Variants in CCDC85C observed in about 807,000 individuals in gnomAD.
CCDC85C encodes coiled-coil domain-containing protein 85C.
In CCDC85C, 18 loss-of-function variants were observed where a neutral mutation model predicts 38.3. The ratio of observed to expected loss-of-function variants is 0.47; its 90% CI spans 0.33 to 0.70. The LOEUF is 0.70. Among genes scored for constraint, CCDC85C ranks in the 30% least tolerant of loss-of-function variants. The probability of loss-of-function intolerance (pLI) is 0.03; values close to 1 mark genes in which losing one functional copy is unlikely to be tolerated. For missense variants in CCDC85C, 566 were observed against 621.2 expected (o/e 0.91, Z 0.94); for synonymous variants, 264 against 293.8 (o/e 0.90, Z 1.04).
rs1897020576 is a variant in CCDC85C, at chr14:99,508,086, C to A, written c.*7160G>T. On this transcript the variant is annotated 3_prime_UTR_variant, in exon 6 of 6. Transcript: ENST00000380243. Reference sequence around the variant, plus strand: ...TCACTGTTGGTCGGTGCACGTGGCTCACACTGGGGCTGACAGCACTGTGTG... The same window carrying A: ...TCACTGTTGGTCGGTGCACGTGGCTAACACTGGGGCTGACAGCACTGTGTG... The A allele has an allele frequency of 6.6e-6, 1 of 152,250 alleles. No homozygotes were observed. The highest frequency in any genetic ancestry group is 2.1e-4 in the South Asian group (1 of 4,828). The allele number at this position is 152,250 out of a possible 1,614,324, so 9.4% of individuals were successfully genotyped here. A position where few individuals can be genotyped will look rare whatever the true frequency, so the allele number is the denominator to read the frequency against.
intron 1 of CCDC85C, among the ~76,000 whole-genome samples, chr14:99,543,142 G>A (rs971113167): frequency 6.6e-6 from 1 of 152,184 alleles, no homozygotes; most frequent in Non-Finnish European, 1.5e-5. Flanking sequence ...AGAAAGCAGC[G>A]GCTGAACAGT....
chr14:99,597,006 CA>C (rs1465000812), intron 1 of CCDC85C, among the ~76,000 whole-genome samples: 2 of 152,140 alleles, frequency 1.3e-5, no homozygotes, highest in Non-Finnish European at 2.9e-5. Flanking sequence ...AGGCAGATAG[CA>C]GCTGAGAGCA....
At position 99,503,431 on chromosome 14, in the gene CCDC85C, C is replaced by T; in HGVS notation, c.*11815G>A. 1 of 610,644 alleles carries T rather than the reference C, an allele frequency of 1.6e-6. No homozygotes were observed. Among genetic ancestry groups the T allele is most frequent in the Non-Finnish European group, 2.9e-6 (1 of 341,848 alleles). 37.8% of individuals were successfully genotyped at this position (610,644 alleles called of 1,614,324 possible). The stretch of plus-strand genomic sequence containing the variant: ...TTGGTAAATGGAAAGAGGAAGGGAG[C>T]AGAAATGATGATCTGGTAGGTGCCG... On this transcript the variant is annotated 3_prime_UTR_variant, in exon 6 of 6. Coordinates refer to ENST00000380243, the MANE Select transcript of CCDC85C (RefSeq NM_001144995.2).
chr14:99,573,960 G>A (rs369841077), intron 1 of CCDC85C, among the ~76,000 whole-genome samples: 25 of 152,166 alleles, frequency 1.6e-4, no homozygotes, highest in African/African-American at 3.6e-4. Flanking sequence ...TCATCAACTC[G>A]TCTCATCCTG....
chr14:99,577,795 CAG>C (rs1898518037), intron 1 of CCDC85C, among the ~76,000 whole-genome samples: 1 of 140,812 alleles, frequency 7.1e-6, no homozygotes, highest in Non-Finnish European at 1.5e-5. Flanking sequence ...TATCCCCCAT[CAG>C]TGTGTGTGTG....
intron 2 of CCDC85C, chr14:99,534,858 A>G: frequency 1.6e-6 from 1 of 621,746 alleles, no homozygotes; most frequent in Admixed American, 2.6e-5. Context: ...GAAATTACAA[A>G]AGCCAGCCTT....
chr14:99,548,727 G>A lies in CCDC85C; in HGVS notation c.794-12639C>T, dbSNP rs1483993857. Among the ~76,000 whole-genome samples the A allele has an allele frequency of 4.6e-5, 7 of 152,156 alleles. No individual in the cohort carries two copies. In the East Asian group the frequency reaches 5.8e-4, roughly 13 times the overall value. On this transcript the variant is annotated intron_variant, in intron 1 of 5. Coordinates refer to ENST00000380243, the MANE Select transcript of CCDC85C (RefSeq NM_001144995.2). The surrounding 1 kb of genome is among the most constrained non-coding windows in gnomAD (Gnocchi z 4.9). Reference sequence around the variant, plus strand: ...TCCCAGGTACTCGGGAGACCGAGGCGGGAGGCGTGCTGGAGCTCAGGAGTG... The same window carrying A: ...TCCCAGGTACTCGGGAGACCGAGGCAGGAGGCGTGCTGGAGCTCAGGAGTG...
At chr14:99,575,450 T>C (rs572171814) in intron 1 of CCDC85C, among the ~76,000 whole-genome samples, 14 of 152,350 alleles carry the variant, frequency 9.2e-5, no homozygotes, top group African/African-American at 3.1e-4. Context: ...CTCGAAGGGT[T>C]GCCAGAAAGA....
Position 99,536,078 on chromosome 14 carries a change from G to A in CCDC85C, c.804C>T (p.Ser268=). The A allele has an allele frequency of 1.3e-6, 2 of 1,550,686 alleles. No homozygotes were observed. The highest frequency in any genetic ancestry group is 1.7e-6 in the Non-Finnish European group (2 of 1,146,128). The change falls in exon 2 of 6, where the codon TCC becomes TCT. Residue 268 remains serine (S), a synonymous_variant. Coordinates refer to ENST00000380243, the MANE Select transcript of CCDC85C (RefSeq NM_001144995.2). ...SIPNGLHDPS[S]TYIRQLESKV... is the part of the protein sequence containing the mutation. ...TGCTCTCCAGTTGCCTGATGTAGGTGGATGAGGGATCTGGAAGGACACAAG... is the reference window on the plus strand; with the variant it reads ...TGCTCTCCAGTTGCCTGATGTAGGTAGATGAGGGATCTGGAAGGACACAAG...
At chr14:99,579,693 G>T (rs963386345) in intron 1 of CCDC85C, among the ~76,000 whole-genome samples, 5 of 152,188 alleles carry the variant, frequency 3.3e-5, no homozygotes, top group African/African-American at 1.2e-4. Flanking sequence ...CTCCCTGGGG[G>T]AGGCAGCGGG....
chr14:99,574,896 A>C (rs572309233), intron 1 of CCDC85C, among the ~76,000 whole-genome samples: 11 of 152,286 alleles, frequency 7.2e-5, no homozygotes, highest in Non-Finnish European at 1.3e-4. Context: ...AGGCTGTAGA[A>C]GCCATTCTGT....
Position 99,544,510 on chromosome 14 carries a change from G to GTGTGTGTC in CCDC85C, c.794-8430_794-8423dup, listed in dbSNP as rs1555369522. ...GAAGGGTGTGTGTGTGTGTGTGTGT[G>GTGTGTGTC]TGTGTGTCTGTGTGTCTGTGTGTTC... is the stretch of plus-strand genomic sequence containing the variant. On this transcript the variant is annotated intron_variant, in intron 1 of 5. Coordinates refer to ENST00000380243, the MANE Select transcript of CCDC85C (RefSeq NM_001144995.2). This position sits in a 1 kb window ranked among gnomAD's most constrained non-coding sequence, Gnocchi z 5.3. 6.6e-6 allele frequency among the ~76,000 whole-genome samples: 1 copy of GTGTGTGTC among 152,056 alleles called. No individual in the cohort carries two copies. The highest frequency in any genetic ancestry group is 1.5e-5 in the Non-Finnish European group (1 of 68,018).
chr14:99,603,104 C>T lies in CCDC85C; in HGVS notation c.793+63G>A, dbSNP rs568838832. The T allele has an allele frequency of 2.3e-6, 3 of 1,279,006 alleles. No homozygotes were observed. The highest frequency in any genetic ancestry group is 1.5e-5 in the African/African-American group (1 of 64,722). 79.2% of individuals were successfully genotyped at this position (1,279,006 alleles called of 1,614,324 possible). On this transcript the variant is annotated intron_variant, in intron 1 of 5. Transcript: ENST00000380243. This position sits in a 1 kb window ranked among gnomAD's most constrained non-coding sequence, Gnocchi z 7.5. ...ACAGCCAGGGACCACCTCCTCTCGCCGCAGCCTGGGAAAAGGGCTGCAGCC... is the reference window on the plus strand; with the variant it reads ...ACAGCCAGGGACCACCTCCTCTCGCTGCAGCCTGGGAAAAGGGCTGCAGCC...
Position 99,603,997 on chromosome 14 carries a change from C to G in CCDC85C, c.-38G>C. 8.3e-7 allele frequency: 1 copy of G among 1,209,784 alleles called. No individual in the cohort carries two copies. Among genetic ancestry groups the G allele is most frequent in the South Asian group, 3.7e-5 (1 of 27,070 alleles). 74.9% of individuals were successfully genotyped at this position (1,209,784 alleles called of 1,614,324 possible). ...ACCGCGGCATCGCCCTCGCCCTCGC[C>G]CGGCCGGCGCTTCCCCGCGCCGGGG... On this transcript the variant is annotated 5_prime_UTR_variant, in exon 1 of 6. Coordinates refer to ENST00000380243, the MANE Select transcript of CCDC85C (RefSeq NM_001144995.2). The surrounding 1 kb of genome is among the most constrained non-coding windows in gnomAD (Gnocchi z 7.5).
Position 99,500,979 on chromosome 14 carries a change from TG to T in CCDC85C, c.*14266del. The stretch of plus-strand genomic sequence containing the variant: ...AAAGCGGAAAACAAAGTTTGATGTG[TG>T]AAATACCAAGGGCATGGCTTGCTCA... On this transcript the variant is annotated 3_prime_UTR_variant, in exon 6 of 6. Transcript: ENST00000380243. 1 of 722,108 alleles carries T rather than the reference TG, an allele frequency of 1.4e-6. No homozygotes were observed. Among genetic ancestry groups the T allele is most frequent in the Non-Finnish European group, 2.4e-6 (1 of 418,178 alleles). 44.7% of individuals were successfully genotyped at this position (722,108 alleles called of 1,614,324 possible). A position where few individuals can be genotyped will look rare whatever the true frequency, so the allele number is the denominator to read the frequency against.
rs188343963 is a variant in CCDC85C at position 99,593,356 on chromosome 14, C to G, written c.793+9811G>C. 1.5e-4 allele frequency among the ~76,000 whole-genome samples: 23 copies of G among 152,342 alleles called. No homozygotes were observed. In the East Asian group the frequency reaches 3.9e-3, roughly 26 times the overall value. On this transcript the variant is annotated intron_variant, in intron 1 of 5. Transcript: ENST00000380243. Reference sequence around the variant, plus strand: ...ATGGGTCGACTCTTCTCCATAGCTGCCGTTTCGGTGCCACCGGCCCTGCCT... The same window carrying G: ...ATGGGTCGACTCTTCTCCATAGCTGGCGTTTCGGTGCCACCGGCCCTGCCT...
chr14:99,557,354 C>A (rs934739037), intron 1 of CCDC85C, among the ~76,000 whole-genome samples: 1 of 152,216 alleles, frequency 6.6e-6, no homozygotes, highest in Admixed American at 6.5e-5. Context: ...GAGGAAGAGA[C>A]AAGAGCTGGG....
In CCDC85C at chr14:99,568,256, T is replaced by A. The variant is rs1024949603; in HGVS notation, c.794-32168A>T. Reference sequence around the variant, plus strand: ...TGGAGGCCACCTGCCCTTTATTTTTTTTTTTTTTTTTTTTGAGACAAAGTC... The same window carrying A: ...TGGAGGCCACCTGCCCTTTATTTTTATTTTTTTTTTTTTTGAGACAAAGTC... On this transcript the variant is annotated intron_variant, in intron 1 of 5. Transcript: ENST00000380243. 4.2e-4 allele frequency among the ~76,000 whole-genome samples: 58 copies of A among 136,558 alleles called. 1 individual carries two copies. Among genetic ancestry groups the A allele is most frequent in the African/African-American group, 1.0e-3 (36 of 35,100 alleles). 89.6% of individuals were successfully genotyped at this position (136,558 alleles called of 152,430 possible).
intron 1 of CCDC85C, among the ~76,000 whole-genome samples, chr14:99,555,146 A>G (rs10147387): frequency 2.0e-5 from 3 of 151,734 alleles, no homozygotes; most frequent in Non-Finnish European, 4.4e-5. Context: ...CGGGACAGGG[A>G]GCTAGGGAGC....
Sources: gnomAD v4.1 joint callset for allele counts (sites outside exome capture counted in the v4.1 genomes callset) on GRCh38, gnomAD v4.1.1 for gene constraint, Gnocchi (gnomAD v3.1) non-coding constraint, MANE v1.5 for transcripts, NCBI Gene and HGNC (gene_info 2026-07-23, HGNC 2026-07-21) for gene names.